The following HTR1E variants were observed in gnomAD, a reference collection of about 807,000 sequenced individuals.
The protein encoded by HTR1E is 5-HT-1E.
Under a neutral mutation model 3.4 loss-of-function variants are expected in HTR1E, and 3 were observed. That is an observed-to-expected ratio of 0.89 (90% CI 0.41 to 2.31). The LOEUF (loss-of-function observed/expected upper bound fraction) is 2.31. Ranked by LOEUF, HTR1E falls within the 30% of genes most tolerant of loss-of-function variation. The pLI is 0.05. For synonymous variants in HTR1E, 170 were observed against 182.8 expected, an observed-to-expected ratio of 0.93 and a Z score of 0.56; for missense variants, 392 against 467.0, an observed-to-expected ratio of 0.84 and a Z score of 1.48.
chr6:86,980,431 T>G (rs1767696391), intron 1 of HTR1E, among the ~76,000 whole-genome samples: 1 of 148,470 alleles, frequency 6.7e-6, no homozygotes, highest in African/African-American at 2.5e-5. Context: ...AACAGGGTCA[T>G]GGATGAAGAG....
intron 1 of HTR1E, among the ~76,000 whole-genome samples, chr6:86,996,891 C>T (rs1479565973): frequency 2.0e-5 from 3 of 151,578 alleles, no homozygotes; most frequent in South Asian, 4.2e-4. Flanking sequence ...TTTATGAAGC[C>T]GGTATACCAA....
intron 1 of HTR1E, among the ~76,000 whole-genome samples, chr6:86,940,396 T>C (rs1231352525): frequency 6.6e-6 from 1 of 152,002 alleles, no homozygotes; most frequent in Non-Finnish European, 1.5e-5. Context: ...ATGAGCCAAG[T>C]ATAGTGGTGT....
chr6:86,975,255 A>G (rs1482733721), intron 1 of HTR1E, among the ~76,000 whole-genome samples: 1 of 152,162 alleles, frequency 6.6e-6, no homozygotes, highest in Non-Finnish European at 1.5e-5. Flanking sequence ...CTCCCTTTCC[A>G]TATATGCAAT....
Position 87,015,234 on chromosome 6 carries a change from A to G in HTR1E, c.-101A>G, listed in dbSNP as rs1321487749. 9 of 1,015,498 alleles carry G rather than the reference A, an allele frequency of 8.9e-6. No individual in the cohort carries two copies. The highest frequency in any genetic ancestry group is 2.9e-5 in the South Asian group (1 of 34,958). 62.9% of individuals were successfully genotyped at this position (1,015,498 alleles called of 1,614,324 possible). ...AAGAGACCACATAGCTGAACAAATT[A>G]TAGCCTCCTTACAAGTGAGAAACCT... On this transcript the variant is annotated 5_prime_UTR_variant, in exon 2 of 2. Coordinates refer to ENST00000305344, the MANE Select transcript of HTR1E (RefSeq NM_000865.3).
intron 1 of HTR1E, among the ~76,000 whole-genome samples, chr6:86,986,231 T>C (rs1254831056): frequency 6.6e-6 from 1 of 152,228 alleles, no homozygotes; most frequent in Admixed American, 6.5e-5. Flanking sequence ...AGGACTGTTA[T>C]TTACTATATA....
chr6:87,009,306 A>C (rs1768165433), intron 1 of HTR1E, among the ~76,000 whole-genome samples: 1 of 150,460 alleles, frequency 6.6e-6, no homozygotes, highest in Non-Finnish European at 1.5e-5. Flanking sequence ...AACAAAGCAC[A>C]TCTTGCACCG....
chr6:86,959,454 T>C (rs557636371), intron 1 of HTR1E, among the ~76,000 whole-genome samples: 139 of 151,966 alleles, frequency 9.1e-4, no homozygotes, highest in Non-Finnish European at 1.7e-3. Flanking sequence ...CCATGGCACC[T>C]GTATGTAATC....
In HTR1E at chr6:87,015,508, C is replaced by G; in HGVS notation, c.174C>G (p.Asn58Lys). ...CCAAGAAGCTCCACCAGCCTGCCAA[C>G]TACCTAATCTGTTCTCTGGCCGTGA... Reference protein sequence around the residue: ...GTTKKLHQPANYLICSLAVTD... With the variant: ...GTTKKLHQPAKYLICSLAVTD... The change falls in exon 2 of 2, where the codon AAC becomes AAG. Residue 58 changes from asparagine to lysine, a missense_variant. By Grantham distance (94) the Asn-to-Lys change is moderately conservative. Coordinates refer to ENST00000305344, the MANE Select transcript of HTR1E (RefSeq NM_000865.3). 1 of 1,613,714 alleles carries G rather than the reference C, an allele frequency of 6.2e-7. No homozygotes were observed. The highest frequency in any genetic ancestry group is 8.5e-7 in the Non-Finnish European group (1 of 1,179,822).
At chr6:86,967,029 T>C (rs1421354540) in intron 1 of HTR1E, among the ~76,000 whole-genome samples, 5 of 152,168 alleles carry the variant, frequency 3.3e-5, no homozygotes, top group Non-Finnish European at 4.4e-5. Flanking sequence ...ATCTTTTATC[T>C]CAGCCCCCAT....
intron 1 of HTR1E, among the ~76,000 whole-genome samples, chr6:86,978,711 G>A (rs1047238855): frequency 6.6e-6 from 1 of 152,172 alleles, no homozygotes. Context: ...AAGCAGACAT[G>A]CATGCCAACT....
chr6:86,947,060 G>A (rs1046871539), intron 1 of HTR1E, among the ~76,000 whole-genome samples: 4 of 151,982 alleles, frequency 2.6e-5, no homozygotes, highest in Admixed American at 6.6e-5. Context: ...AGGTTGTGGT[G>A]AGCCGAGATC....
At chr6:87,006,958 A>T (rs1293101881) in intron 1 of HTR1E, among the ~76,000 whole-genome samples, 2 of 152,194 alleles carry the variant, frequency 1.3e-5, no homozygotes, top group African/African-American at 2.4e-5. Context: ...ATTAGAAAAA[A>T]ATAGCTAATG....
intron 1 of HTR1E, among the ~76,000 whole-genome samples, chr6:86,995,659 C>A (rs1582277157): frequency 1.1e-5 from 1 of 88,604 alleles, no homozygotes; most frequent in Non-Finnish European, 2.0e-5. Flanking sequence ...GAGTGAGACT[C>A]CATCTCAAAA....
chr6:86,964,710 A>T (rs1052123425), intron 1 of HTR1E, among the ~76,000 whole-genome samples: 1 of 152,218 alleles, frequency 6.6e-6, no homozygotes, highest in African/African-American at 2.4e-5. Flanking sequence ...AATCATCTTA[A>T]AATAATGATC....
At chr6:86,965,932 A>G (rs1000844796) in intron 1 of HTR1E, among the ~76,000 whole-genome samples, 2 of 152,314 alleles carry the variant, frequency 1.3e-5, no homozygotes, top group East Asian at 1.9e-4. Context: ...GATGCATCAA[A>G]ATGTCAGAAA....
intron 1 of HTR1E, among the ~76,000 whole-genome samples, chr6:87,005,516 G>A (rs937515948): frequency 1.1e-4 from 16 of 152,100 alleles, no homozygotes; most frequent in South Asian, 2.1e-4. Flanking sequence ...AAATGCTGCC[G>A]GGAGAACTGG....
intron 1 of HTR1E, among the ~76,000 whole-genome samples, chr6:86,947,704 A>T (rs532007216): frequency 6.6e-6 from 1 of 152,168 alleles, no homozygotes; most frequent in Non-Finnish European, 1.5e-5. Context: ...TCTAATTAAC[A>T]TTATTTTTTA....
At chr6:86,951,596 C>T (rs573281121) in intron 1 of HTR1E, among the ~76,000 whole-genome samples, 85 of 152,214 alleles carry the variant, frequency 5.6e-4, no homozygotes, top group African/African-American at 2.0e-3. Flanking sequence ...CATTTGTTGT[C>T]AAGCAGATAT....
At chr6:86,958,423 A>T (rs183013894) in intron 1 of HTR1E, among the ~76,000 whole-genome samples, 2 of 152,190 alleles carry the variant, frequency 1.3e-5, no homozygotes, top group African/African-American at 4.8e-5. Flanking sequence ...GTGCCCTCTC[A>T]TCTTCCAGTC....
Sources: allele counts gnomAD v4.1 joint callset (sites outside exome capture counted in the v4.1 genomes callset), GRCh38; gene constraint gnomAD v4.1.1; transcripts MANE v1.5; gene names NCBI Gene and HGNC (gene_info 2026-07-23, HGNC 2026-07-21).